Variants in C1QL4 observed in about 807,000 individuals in gnomAD.
C1QL4 encodes complement C1q like 4.
In C1QL4, 5 loss-of-function variants were observed where a neutral mutation model predicts 13.4. That is an observed-to-expected ratio of 0.37 (90% CI 0.19 to 0.78). The LOEUF (loss-of-function observed/expected upper bound fraction) is 0.78, where lower values mean the gene tolerates loss of function less well. C1QL4 is among the 30% of genes least tolerant of loss of function. The pLI is 0.47. For missense variants in C1QL4, 367 were observed against 361.6 expected (o/e 1.01, Z -0.12); for synonymous variants, 168 against 153.9 (o/e 1.09, Z -0.68).
At position 49,332,675 on chromosome 12, in the gene C1QL4, C is replaced by T. The variant is rs1375386852; in HGVS notation, c.*379G>A. The T allele has an allele frequency of 1.1e-5, 2 of 189,322 alleles. No individual in the cohort carries two copies. The highest frequency in any genetic ancestry group is 4.7e-5 in the African/African-American group (2 of 42,476). 11.7% of individuals were successfully genotyped at this position (189,322 alleles called of 1,614,324 possible). A position where few individuals can be genotyped will look rare whatever the true frequency, so the allele number is the denominator to read the frequency against. ...CTTCTCTTGCCTAAATGGGCTCCTC[C>T]TGTTTCTGTTATTTCCCTCGCAAGC... On this transcript the variant is annotated 3_prime_UTR_variant, in exon 2 of 2. Transcript: ENST00000334221.
chr12:49,336,501 C>T lies in C1QL4; in HGVS notation c.-24G>A. ...ATGGCCACTCCGACGGCCGCGCCCG[C>T]CACCCTCTTGCGGCGGCTCAGCCGC... On this transcript the variant is annotated 5_prime_UTR_variant, in exon 1 of 2. Transcript: ENST00000334221. The surrounding 1 kb of genome is among the most constrained non-coding windows in gnomAD (Gnocchi z 7.7). 1 of 1,481,338 alleles carries T rather than the reference C, an allele frequency of 6.8e-7. No individual in the cohort carries two copies. Among genetic ancestry groups the T allele is most frequent in the Non-Finnish European group, 8.8e-7 (1 of 1,132,212 alleles). 91.8% of individuals were successfully genotyped at this position (1,481,338 alleles called of 1,614,324 possible).
At chr12:49,334,231 T>A (rs1364473253) in intron 1 of C1QL4, among the ~76,000 whole-genome samples, 2 of 152,224 alleles carry the variant, frequency 1.3e-5, no homozygotes, top group African/African-American at 4.8e-5. Flanking sequence ...GCCTATAGGA[T>A]AATTTCTAAA....
rs543890645 is a variant in C1QL4, at chr12:49,334,414, C to G, written c.538-1181G>C. Reference sequence around the variant, plus strand: ...GACCAAGCACCCACTGGTGCCCAGGCGTGGGGGGTCGTCTTCTGCCAGAAC... The same window carrying G: ...GACCAAGCACCCACTGGTGCCCAGGGGTGGGGGGTCGTCTTCTGCCAGAAC... On this transcript the variant is annotated intron_variant, in intron 1 of 1. Coordinates refer to ENST00000334221, the MANE Select transcript of C1QL4 (RefSeq NM_001008223.2). Among the ~76,000 whole-genome samples, 218 of 152,270 alleles carry G rather than the reference C, an allele frequency of 1.4e-3. 2 individuals carry two copies. The highest frequency in any genetic ancestry group is 4.8e-3 in the African/African-American group (200 of 41,564).
intron 1 of C1QL4, among the ~76,000 whole-genome samples, chr12:49,333,603 C>T (rs1185342101): frequency 3.4e-5 from 5 of 146,884 alleles, no homozygotes; most frequent in Non-Finnish European, 3.0e-5. Context: ...AGTGCAATGG[C>T]ACGATCTCGG....
In C1QL4 at chr12:49,336,079, G is replaced by T. The variant is rs748864230; in HGVS notation, c.399C>A (p.Thr133=). ...CTGCCTCGTAGGCGTTGCCCACGTTGGTCACCACGTCGTCGAAGCGCAGCA... is the reference window on the plus strand; with the variant it reads ...CTGCCTCGTAGGCGTTGCCCACGTTTGTCACCACGTCGTCGAAGCGCAGCA... ...YEVLRFDDVV[T]NVGNAYEAAS... The change falls in exon 1 of 2, where the codon ACC becomes ACA. Residue 133 remains threonine, a synonymous_variant. Coordinates refer to ENST00000334221, the MANE Select transcript of C1QL4 (RefSeq NM_001008223.2). This position sits in a 1 kb window ranked among gnomAD's most constrained non-coding sequence, Gnocchi z 7.7. The T allele has an allele frequency of 6.2e-7, 1 of 1,612,514 alleles. No homozygotes were observed. Among genetic ancestry groups the T allele is most frequent in the Non-Finnish European group, 8.5e-7 (1 of 1,179,968 alleles).
At chr12:49,334,865 G>C (rs1233178371) in intron 1 of C1QL4, among the ~76,000 whole-genome samples, 1 of 152,176 alleles carries the variant, frequency 6.6e-6, no homozygotes, top group African/African-American at 2.4e-5. Flanking sequence ...GCTGGGATGA[G>C]ATCCCAAAGC....
rs760481550 is a variant in C1QL4, at chr12:49,335,991, G to C, written c.487C>G (p.Arg163Gly). The C allele has an allele frequency of 1.2e-6, 2 of 1,609,748 alleles. No homozygotes were observed. The highest frequency in any genetic ancestry group is 1.7e-6 in the Non-Finnish European group (2 of 1,178,968). ...VYFFAYHVLMRGGDGTSMWAD... is the reference protein window; with the variant it reads ...VYFFAYHVLMGGGDGTSMWAD... ...CACATGCTGGTGCCGTCGCCGCCGCGCATGAGCACGTGGTAAGCGAAGAAG... is the reference window on the plus strand; with the variant it reads ...CACATGCTGGTGCCGTCGCCGCCGCCCATGAGCACGTGGTAAGCGAAGAAG... Residue 163 changes from arginine (R) to glycine (G), a missense_variant, in exon 1 of 2, where the codon CGC becomes GGC. Transcript: ENST00000334221.
At position 49,336,320 on chromosome 12, in the gene C1QL4, G is replaced by C; in HGVS notation, c.158C>G (p.Pro53Arg). Residue 53 changes from proline to arginine, a missense_variant, in exon 1 of 2, where the codon CCG (proline) becomes CGG (arginine). By Grantham distance (103) the Pro-to-Arg change is moderately radical (BLOSUM62 -2). Coordinates refer to ENST00000334221, the MANE Select transcript of C1QL4 (RefSeq NM_001008223.2). The surrounding 1 kb of genome is among the most constrained non-coding windows in gnomAD (Gnocchi z 7.7). ...DGAPASVPPF[P>R]PGAKGEVGRR... ...GCCCACCTCTCCCTTGGCGCCTGGC[G>C]GGAAGGGGGGCACGGAAGCAGGCGC... 4.9e-6 allele frequency: 7 copies of C among 1,418,788 alleles called. No individual in the cohort carries two copies. Among genetic ancestry groups the C allele is most frequent in the African/African-American group, 4.5e-5 (3 of 66,322 alleles). 87.9% of individuals were successfully genotyped at this position (1,418,788 alleles called of 1,614,324 possible).
intron 1 of C1QL4, among the ~76,000 whole-genome samples, chr12:49,334,463 G>A (rs1395525595): frequency 1.3e-5 from 2 of 152,240 alleles, no homozygotes; most frequent in Admixed American, 6.5e-5. Flanking sequence ...TCCCCTCCGG[G>A]CTCATGGCGG....
Position 49,336,058 on chromosome 12 carries a change from C to T in C1QL4, c.420G>A (p.Glu140=). The change falls in exon 1 of 2, where the codon GAG becomes GAA. Residue 140 remains glutamate, a synonymous_variant. Transcript: ENST00000334221. The surrounding 1 kb of genome is among the most constrained non-coding windows in gnomAD (Gnocchi z 7.7). ...DVVTNVGNAY[E]AASGKFTCPM... is the part of the protein sequence containing the mutation. ...GGCAAGTAAACTTGCCGCTGGCTGC[C>T]TCGTAGGCGTTGCCCACGTTGGTCA... 1.9e-6 allele frequency: 3 copies of T among 1,612,354 alleles called. No individual in the cohort carries two copies. The highest frequency in any genetic ancestry group is 2.5e-6 in the Non-Finnish European group (3 of 1,179,948).
Position 49,332,845 on chromosome 12 carries a change from C to T in C1QL4, c.*209G>A, listed in dbSNP as rs1943600988. ...GTGCGGGTGATCCCTCCGGAAGTCGCTCTGCTCCTCTGGCCGGGTCTCCTC... is the reference window on the plus strand; with the variant it reads ...GTGCGGGTGATCCCTCCGGAAGTCGTTCTGCTCCTCTGGCCGGGTCTCCTC... On this transcript the variant is annotated 3_prime_UTR_variant, in exon 2 of 2. Coordinates refer to ENST00000334221, the MANE Select transcript of C1QL4 (RefSeq NM_001008223.2). 1.7e-6 allele frequency: 1 copy of T among 597,838 alleles called. No individual in the cohort carries two copies. The highest frequency in any genetic ancestry group is 2.9e-6 in the Non-Finnish European group (1 of 343,350). 37.0% of individuals were successfully genotyped at this position (597,838 alleles called of 1,614,324 possible).
chr12:49,335,811 C>T (rs1943626034), intron 1 of C1QL4, 130 bp downstream of exon 1: 2 of 1,173,740 alleles, frequency 1.7e-6, no homozygotes, highest in Admixed American at 4.8e-5. Flanking sequence ...AGTCATCTAT[C>T]GTTCTTGGCA....
intron 1 of C1QL4, 122 bp from the exon 2 acceptor site, chr12:49,333,355 G>T: frequency 1.0e-6 from 1 of 977,310 alleles, no homozygotes; most frequent in Non-Finnish European, 1.5e-6. Flanking sequence ...GGACCAGGGA[G>T]GAGGGTAGGA....
chr12:49,335,830 T>TTCCTGGA, intron 1 of C1QL4, 111 bp downstream of exon 1: 1 of 1,347,914 alleles, frequency 7.4e-7, no homozygotes, highest in African/African-American at 1.5e-5. Flanking sequence ...CAGCCTCGCG[T>TTCCTGGA]TCCTGGATTC....
Position 49,336,499 on chromosome 12 carries a change from C to T in C1QL4, c.-22G>A, listed in dbSNP as rs1388358645. 1.3e-6 allele frequency: 2 copies of T among 1,482,264 alleles called. No individual in the cohort carries two copies. Among genetic ancestry groups the T allele is most frequent in the African/African-American group, 1.5e-5 (1 of 67,940 alleles). The allele number at this position is 1,482,264 out of a possible 1,614,324, so 91.8% of individuals were successfully genotyped here. ...CCATGGCCACTCCGACGGCCGCGCC[C>T]GCCACCCTCTTGCGGCGGCTCAGCC... is the stretch of plus-strand genomic sequence containing the variant. On this transcript the variant is annotated 5_prime_UTR_variant, in exon 1 of 2. Coordinates refer to ENST00000334221, the MANE Select transcript of C1QL4 (RefSeq NM_001008223.2). The surrounding 1 kb of genome is among the most constrained non-coding windows in gnomAD (Gnocchi z 7.7).
chr12:49,335,998 C>T lies in C1QL4; in HGVS notation c.480G>A (p.Val160=), dbSNP rs1169782708. 1 of 1,610,742 alleles carries T rather than the reference C, an allele frequency of 6.2e-7. No individual in the cohort carries two copies. Among genetic ancestry groups the T allele is most frequent in the Non-Finnish European group, 8.5e-7 (1 of 1,179,378 alleles). The part of the protein sequence containing the change: ...MPGVYFFAYH[V]LMRGGDGTSM... ...TGGTGCCGTCGCCGCCGCGCATGAG[C>T]ACGTGGTAAGCGAAGAAGTAGACGC... Residue 160 remains valine, a synonymous_variant, in exon 1 of 2, where the codon GTG becomes GTA. Coordinates refer to ENST00000334221, the MANE Select transcript of C1QL4 (RefSeq NM_001008223.2).
rs749500583 is a variant in C1QL4, at chr12:49,333,077, C to T, written c.694G>A (p.Gly232Ser). Residue 232 changes from glycine (G) to serine (S), a missense_variant, in exon 2 of 2, where the codon GGC becomes AGC. By Grantham distance (56) the Gly-to-Ser change is moderately conservative. Transcript: ENST00000334221. The part of the protein sequence containing the change: ...GNTNKYSTFS[G>S]FIIYPD ...GCTCAGTCGGGGTAGATGATGAAGCCGGAGAAGGTGCTGTACTTGTTGGTG... is the reference window on the plus strand; with the variant it reads ...GCTCAGTCGGGGTAGATGATGAAGCTGGAGAAGGTGCTGTACTTGTTGGTG... The T allele has an allele frequency of 1.9e-6, 3 of 1,613,652 alleles. No individual in the cohort carries two copies. In the South Asian group the frequency reaches 3.3e-5, roughly 18 times the overall value.
Position 49,336,172 on chromosome 12 carries a change from G to T in C1QL4, c.306C>A (p.Pro102=). The T allele has an allele frequency of 6.3e-7, 1 of 1,599,778 alleles. No individual in the cohort carries two copies. Among genetic ancestry groups the T allele is most frequent in the East Asian group, 2.3e-5 (1 of 44,418 alleles). Residue 102 remains proline, a synonymous_variant, in exon 1 of 2, where the codon CCC becomes CCA. Coordinates refer to ENST00000334221, the MANE Select transcript of C1QL4 (RefSeq NM_001008223.2). This position sits in a 1 kb window ranked among gnomAD's most constrained non-coding sequence, Gnocchi z 7.7. The part of the protein sequence containing the change: ...PPGPGPGGVA[P]AAGYVPRIAF... ...CAATGCGAGGCACGTAGCCGGCAGC[G>T]GGCGCCACCCCGCCCGGACCTGGAC...
In C1QL4 at chr12:49,336,176, G is replaced by A. The variant is rs898765199; in HGVS notation, c.302C>T (p.Ala101Val). Reference protein sequence around the residue: ...GPPGPGPGGVAPAAGYVPRIA... With the variant: ...GPPGPGPGGVVPAAGYVPRIA... ...GCGAGGCACGTAGCCGGCAGCGGGC[G>A]CCACCCCGCCCGGACCTGGACCGGG... Residue 101 changes from alanine (A) to valine (V), a missense_variant, in exon 1 of 2, where the codon GCG becomes GTG. Physicochemically the swap from Ala to Val is moderately conservative, Grantham distance 64. Transcript: ENST00000334221. The surrounding 1 kb of genome is among the most constrained non-coding windows in gnomAD (Gnocchi z 7.7). 1.6e-5 allele frequency: 26 copies of A among 1,596,538 alleles called. No individual in the cohort carries two copies. The highest frequency in any genetic ancestry group is 2.1e-5 in the Non-Finnish European group (25 of 1,172,126).
Sources: allele counts gnomAD v4.1 joint callset (sites outside exome capture counted in the v4.1 genomes callset), GRCh38; gene constraint gnomAD v4.1.1; non-coding constraint Gnocchi (gnomAD v3.1); transcripts MANE v1.5; gene names NCBI Gene and HGNC (gene_info 2026-07-23, HGNC 2026-07-21).